The following PCSK6 variants were observed in gnomAD, a reference collection of about 807,000 sequenced individuals.
PCSK6 encodes proprotein convertase subtilisin/kexin type 6, also known as paired basic amino acid cleaving enzyme 4.
Under a neutral mutation model 123.3 loss-of-function variants are expected in PCSK6, and 85 were observed. The ratio of observed to expected loss-of-function variants is 0.69; its 90% CI spans 0.58 to 0.83. The LOEUF (loss-of-function observed/expected upper bound fraction) is 0.83, where lower values mean the gene tolerates loss of function less well. Among genes scored for constraint, PCSK6 ranks in the 40% least tolerant of loss-of-function variants. The probability of loss-of-function intolerance (pLI) is 0.00; values close to 1 mark genes in which losing one functional copy is unlikely to be tolerated. For synonymous variants in PCSK6, 508 were observed against 516.0 expected, an observed-to-expected ratio of 0.98 and a Z score of 0.21; for missense variants, 1,191 against 1,282.3, an observed-to-expected ratio of 0.93 and a Z score of 1.09.
chr15:101,450,340 C>T (rs1336581646), intron 1 of PCSK6, among the ~76,000 whole-genome samples: 1 of 152,132 alleles, frequency 6.6e-6, no homozygotes, highest in Non-Finnish European at 1.5e-5. Flanking sequence ...GTGTAAGGGG[C>T]CCTGCCCTCA....
intron 1 of PCSK6, among the ~76,000 whole-genome samples, chr15:101,481,378 G>A (rs1263482782): frequency 1.3e-5 from 2 of 152,052 alleles, no homozygotes; most frequent in Non-Finnish European, 2.9e-5. Flanking sequence ...GCTGAGGGGC[G>A]AACCTGGTGA....
chr15:101,416,536 C>T (rs2055893307), intron 6 of PCSK6, among the ~76,000 whole-genome samples: 1 of 152,230 alleles, frequency 6.6e-6, no homozygotes. Flanking sequence ...AGGAATCTAA[C>T]ATTAATCCCC....
intron 20 of PCSK6, chr15:101,309,165 G>T (rs1216825597): frequency 6.5e-6 from 1 of 152,828 alleles, no homozygotes; most frequent in South Asian, 2.1e-4. Flanking sequence ...GTCCAGGCAG[G>T]TGCAGCTGGG....
chr15:101,315,346 A>G (rs1435462786), intron 19 of PCSK6, among the ~76,000 whole-genome samples: 2 of 152,236 alleles, frequency 1.3e-5, no homozygotes, highest in African/African-American at 4.8e-5. Context: ...TATTTTCTCA[A>G]CTACTAAAAA....
At position 101,322,646 on chromosome 15, in the gene PCSK6, A is replaced by G. The variant is rs376186625; in HGVS notation, c.2378-39T>C. 309 of 1,296,410 alleles carry G rather than the reference A, an allele frequency of 2.4e-4. 2 individuals are homozygous for G. In the African/African-American group the frequency reaches 3.5e-3, roughly 15 times the overall value. 80.3% of individuals were successfully genotyped at this position (1,296,410 alleles called of 1,614,324 possible). On this transcript the variant is annotated intron_variant, in intron 17 of 21. Coordinates refer to ENST00000611716, the MANE Select transcript of PCSK6 (RefSeq NM_002570.5). ...GCGAGATAAGAAAAGAGAAGGGACG[A>G]CACTGACAGGAATGAAATCTGGGCA...
At chr15:101,326,613 G>C (rs558988985) in intron 15 of PCSK6, 134 bp from the exon 16 acceptor site, 1 of 804,414 alleles carries the variant, frequency 1.2e-6, no homozygotes, top group East Asian at 2.7e-5. Context: ...GGGGCTGGAC[G>C]GCCAGACGAC....
rs1050425892 is a variant in PCSK6, at chr15:101,379,247, G to T, written c.1532+2845C>A. ...CATGGCCATATTCCAGCCCACGGCTGGGGGTAGACAGAGGTTTCCTGCCCC... is the reference window on the plus strand; with the variant it reads ...CATGGCCATATTCCAGCCCACGGCTTGGGGTAGACAGAGGTTTCCTGCCCC... On this transcript the variant is annotated intron_variant, in intron 11 of 21. Transcript: ENST00000611716. 3.3e-5 allele frequency among the ~76,000 whole-genome samples: 5 copies of T among 152,366 alleles called. No individual in the cohort carries two copies. In the South Asian group the frequency reaches 1.0e-3, roughly 32 times the overall value.
chr15:101,430,099 G>C, intron 4 of PCSK6, 36 bp from the exon 5 acceptor site: 1 of 1,546,308 alleles, frequency 6.5e-7, no homozygotes, highest in Non-Finnish European at 8.9e-7. Flanking sequence ...AGGAGAAATG[G>C]CATGTGACAG....
At chr15:101,392,906 G>A (rs1408029972) in intron 8 of PCSK6, among the ~76,000 whole-genome samples, 1 of 152,152 alleles carries the variant, frequency 6.6e-6, no homozygotes, top group African/African-American at 2.4e-5. Context: ...GAATTTCAGA[G>A]TTAAAACAAG....
chr15:101,462,975 G>A (rs971644996), intron 1 of PCSK6: 7 of 455,192 alleles, frequency 1.5e-5, no homozygotes, highest in Non-Finnish European at 2.6e-5. Flanking sequence ...GGAAGGCTTT[G>A]TGCAGAGGAG....
intron 6 of PCSK6, among the ~76,000 whole-genome samples, chr15:101,425,455 G>A (rs188588358): frequency 3.3e-4 from 50 of 152,262 alleles, no homozygotes; most frequent in African/African-American, 1.2e-3. Flanking sequence ...GCTGACCATA[G>A]AGCTCTTCCT....
At chr15:101,346,209 A>T (rs2040723967) in intron 13 of PCSK6, among the ~76,000 whole-genome samples, 1 of 152,242 alleles carries the variant, frequency 6.6e-6, no homozygotes, top group Non-Finnish European at 1.5e-5. Context: ...CTTCTGGTGA[A>T]TAATCCCAAA....
intron 15 of PCSK6, among the ~76,000 whole-genome samples, chr15:101,327,071 C>T (rs2040272931): frequency 6.6e-6 from 1 of 152,154 alleles, no homozygotes; most frequent in Non-Finnish European, 1.5e-5. Context: ...AGGGACACAG[C>T]TAGACAGTGC....
chr15:101,380,229 A>G (rs2041876422), intron 11 of PCSK6, among the ~76,000 whole-genome samples: 1 of 152,228 alleles, frequency 6.6e-6, no homozygotes, highest in Non-Finnish European at 1.5e-5. Flanking sequence ...AAAAAACAAA[A>G]TAAAATAAAA....
chr15:101,323,105 C>T (rs529493890), intron 17 of PCSK6, among the ~76,000 whole-genome samples: 3 of 152,352 alleles, frequency 2.0e-5, no homozygotes, highest in African/African-American at 7.2e-5. Context: ...CAACTCCCAC[C>T]TGCAATGTCA....
intron 8 of PCSK6, among the ~76,000 whole-genome samples, chr15:101,392,593 C>CTTTTTTTTTTTTTTTTTTTTTTTTTTTT (rs10525638): frequency 8.2e-6 from 1 of 122,360 alleles, no homozygotes; most frequent in African/African-American, 3.3e-5. Flanking sequence ...CTCCCTTCCT[C>CTTTTTTTTTTTTTTTTTTTTTTTTTTTT]TTTTTTTTTT....
intron 1 of PCSK6, among the ~76,000 whole-genome samples, chr15:101,456,030 C>A (rs996575912): frequency 1.3e-5 from 2 of 152,240 alleles, no homozygotes; most frequent in African/African-American, 4.8e-5. Context: ...ATCGGGGAGG[C>A]ACTACATTGC....
At chr15:101,367,589 C>T (rs2041439298) in intron 12 of PCSK6, among the ~76,000 whole-genome samples, 1 of 152,164 alleles carries the variant, frequency 6.6e-6, no homozygotes, top group African/African-American at 2.4e-5. Flanking sequence ...ACACTGGGGA[C>T]AGAACAAGGA....
chr15:101,413,390 C>T (rs925815009), intron 6 of PCSK6, among the ~76,000 whole-genome samples: 3 of 151,504 alleles, frequency 2.0e-5, no homozygotes, highest in African/African-American at 4.9e-5. Flanking sequence ...AAAAGCTATA[C>T]AAGAAGACAT....
Sources: allele counts gnomAD v4.1 joint callset (sites outside exome capture counted in the v4.1 genomes callset), GRCh38; gene constraint gnomAD v4.1.1; transcripts MANE v1.5; gene names NCBI Gene and HGNC (gene_info 2026-07-23, HGNC 2026-07-21).